Variants in ATP10D observed in about 807,000 individuals in gnomAD.
ATP10D encodes the protein ATPase phospholipid transporting 10D (putative), also known as phospholipid-transporting ATPase VD.
A neutral mutation model predicts 144.8 loss-of-function variants in ATP10D; 89 were observed. The ratio of observed to expected loss-of-function variants is 0.61; its 90% CI spans 0.52 to 0.73. The LOEUF (loss-of-function observed/expected upper bound fraction) is 0.73, where lower values mean the gene tolerates loss of function less well. Ranked by LOEUF, ATP10D falls within the 30% of genes least tolerant of loss-of-function variation. The probability of loss-of-function intolerance (pLI) is 0.00; values close to 1 mark genes in which losing one functional copy is unlikely to be tolerated. For missense variants in ATP10D, 1,603 were observed against 1,714.8 expected (o/e 0.93, Z 1.15); for synonymous variants, 571 against 615.1 (o/e 0.93, Z 1.06).
At chr4:47,535,653 C>T in intron 6 of ATP10D, 38 bp downstream of exon 6, 1 of 1,552,992 alleles carries the variant, frequency 6.4e-7, no homozygotes, top group Non-Finnish European at 8.7e-7. Flanking sequence ...CTACTCTGTG[C>T]TTTTCTACAA....
intron 21 of ATP10D, among the ~76,000 whole-genome samples, chr4:47,584,623 C>T (rs1396570407): frequency 7.2e-5 from 11 of 152,132 alleles, no homozygotes; most frequent in African/African-American, 2.7e-4. Flanking sequence ...GTCTCGATCT[C>T]CTGGTCTCGT....
intron 1 of ATP10D, among the ~76,000 whole-genome samples, chr4:47,489,005 T>G (rs1433695949): frequency 1.3e-5 from 2 of 152,214 alleles, no homozygotes; most frequent in Non-Finnish European, 2.9e-5. Flanking sequence ...AGGAAATAAC[T>G]TTTGATTGTT....
At chr4:47,508,862 G>C (rs866420830) in intron 1 of ATP10D, among the ~76,000 whole-genome samples, 1 of 152,218 alleles carries the variant, frequency 6.6e-6, no homozygotes, top group Non-Finnish European at 1.5e-5. Flanking sequence ...GAATTTTGCT[G>C]TAGGACTAAT....
At chr4:47,499,931 CT>C (rs780049666) in intron 1 of ATP10D, among the ~76,000 whole-genome samples, 1 of 152,154 alleles carries the variant, frequency 6.6e-6, no homozygotes, top group Non-Finnish European at 1.5e-5. Context: ...ACTACATGCT[CT>C]AGATCTTAAT....
intron 3 of ATP10D, among the ~76,000 whole-genome samples, chr4:47,519,178 A>C (rs11938612): frequency 0.48 from 73,005 of 152,132 alleles, 17,955 homozygotes; most frequent in East Asian, 0.81. Context: ...CTTTAAAGAT[A>C]AAGTGAAGTA....
At chr4:47,564,427 C>T (rs1233414709) in intron 15 of ATP10D, among the ~76,000 whole-genome samples, 1 of 151,756 alleles carries the variant, frequency 6.6e-6, no homozygotes, top group Non-Finnish European at 1.5e-5. Flanking sequence ...AGTCCTGGTA[C>T]AGGAATCTAC....
At chr4:47,577,727 A>G (rs2109470700) in intron 19 of ATP10D, among the ~76,000 whole-genome samples, 1 of 152,344 alleles carries the variant, frequency 6.6e-6, no homozygotes, top group Non-Finnish European at 1.5e-5. Context: ...TAGAACAACC[A>G]ACAGAGAAAT....
At chr4:47,517,979 A>C (rs1047923412) in intron 3 of ATP10D, among the ~76,000 whole-genome samples, 1 of 152,126 alleles carries the variant, frequency 6.6e-6, no homozygotes, top group Non-Finnish European at 1.5e-5. Context: ...TTTGTTTGGT[A>C]TTGTAGAAGA....
intron 3 of ATP10D, among the ~76,000 whole-genome samples, chr4:47,517,597 C>T (rs1364258109): frequency 6.6e-6 from 1 of 152,168 alleles, no homozygotes; most frequent in Admixed American, 6.5e-5. Flanking sequence ...AATAATAAAA[C>T]TTACTTCATA....
At chr4:47,522,352 C>T (rs1052806399) in intron 3 of ATP10D, among the ~76,000 whole-genome samples, 2 of 152,202 alleles carry the variant, frequency 1.3e-5, no homozygotes, top group African/African-American at 4.8e-5. Context: ...TGGTATCTGA[C>T]CACAGAGCAG....
rs1456747642 is a variant in ATP10D, at chr4:47,539,777, G to A, written c.1396+2839G>A. Among the ~76,000 whole-genome samples, 6 of 152,164 alleles carry A rather than the reference G, an allele frequency of 3.9e-5. No homozygotes were observed. The East Asian group carries it at 1.2e-3, about 29-fold the overall frequency. On this transcript the variant is annotated intron_variant, in intron 9 of 22. Coordinates refer to ENST00000273859, the MANE Select transcript of ATP10D (RefSeq NM_020453.4). ...TGTTTCATAAAATATACAGTGAGAA[G>A]CACTGCTTTATTTTTTTGTATTTAT... is the stretch of plus-strand genomic sequence containing the variant.
intron 6 of ATP10D, 70 bp downstream of exon 6, chr4:47,535,685 A>G: frequency 1.3e-6 from 2 of 1,494,318 alleles, no homozygotes. Flanking sequence ...TCATTTACTC[A>G]AAAATGCAAT....
intron 1 of ATP10D, among the ~76,000 whole-genome samples, chr4:47,487,184 G>A (rs1199383371): frequency 2.7e-5 from 4 of 147,364 alleles, no homozygotes; most frequent in African/African-American, 1.0e-4. Flanking sequence ...AGTCGAGATC[G>A]GGCCATTGCA....
chr4:47,539,155 T>A (rs1577661985), intron 9 of ATP10D, among the ~76,000 whole-genome samples: 1 of 152,192 alleles, frequency 6.6e-6, no homozygotes, highest in East Asian at 1.9e-4. Flanking sequence ...GTTATATAAA[T>A]TTGTCAATTA....
rs550923470 is a variant in ATP10D at position 47,536,527 on chromosome 4, G to A, written c.1106G>A (p.Gly369Glu). Reference sequence around the variant, plus strand: ...CATATCATATCACCACTGTTGGCAGGATTTTATATGTTTTGGACCATGATC... The same window carrying A: ...CATATCATATCACCACTGTTGGCAGAATTTTATATGTTTTGGACCATGATC... ...DGHIISPLLA[G>E]FYMFWTMIIL... The change falls in exon 8 of 23, where the codon GGA becomes GAA. Residue 369 changes from glycine to glutamate, a missense_variant. Transcript: ENST00000273859. 7 of 1,613,410 alleles carry A rather than the reference G, an allele frequency of 4.3e-6. No individual in the cohort carries two copies. Among genetic ancestry groups the A allele is most frequent in the Non-Finnish European group, 5.9e-6 (7 of 1,179,714 alleles).
At chr4:47,586,984 G>T in intron 21 of ATP10D, 35 bp from the exon 22 acceptor site, 1 of 1,598,378 alleles carries the variant, frequency 6.3e-7, no homozygotes, top group South Asian at 1.1e-5. Flanking sequence ...ATCAGTGACA[G>T]AGCATTCATT....
chr4:47,577,379 A>G (rs1720290621), intron 19 of ATP10D, among the ~76,000 whole-genome samples: 1 of 152,196 alleles, frequency 6.6e-6, no homozygotes, highest in Non-Finnish European at 1.5e-5. Flanking sequence ...TTTTCAAGAA[A>G]TCCCACCACT....
At chr4:47,568,644 C>T (rs1168464377) in intron 15 of ATP10D, among the ~76,000 whole-genome samples, 193 bp from the exon 16 acceptor site, 4 of 152,060 alleles carry the variant, frequency 2.6e-5, no homozygotes, top group Non-Finnish European at 5.9e-5. Context: ...AGATGTTCCC[C>T]CTCCTTTTAA....
At chr4:47,496,708 T>C (rs1263199168) in intron 1 of ATP10D, among the ~76,000 whole-genome samples, 1 of 152,204 alleles carries the variant, frequency 6.6e-6, no homozygotes, top group African/African-American at 2.4e-5. Flanking sequence ...CTACTGAAGT[T>C]GAAAATATTT....
Sources: gnomAD v4.1 joint callset for allele counts (sites outside exome capture counted in the v4.1 genomes callset) on GRCh38, gnomAD v4.1.1 for gene constraint, MANE v1.5 for transcripts, NCBI Gene and HGNC (gene_info 2026-07-23, HGNC 2026-07-21) for gene names.